Variants in CACNA2D3 observed in about 807,000 individuals in gnomAD.
CACNA2D3 encodes voltage-dependent calcium channel subunit alpha-2/delta-3.
In CACNA2D3, 60 loss-of-function variants were observed where a neutral mutation model predicts 160.6. That is an observed-to-expected ratio of 0.37 (90% CI 0.30 to 0.46). The LOEUF (loss-of-function observed/expected upper bound fraction) is 0.46. Among genes scored for constraint, CACNA2D3 ranks in the 20% least tolerant of loss-of-function variants. The pLI, the probability that CACNA2D3 is intolerant of heterozygous loss-of-function variation, is 1.00. For missense variants in CACNA2D3, 1,205 were observed against 1,365.0 expected, an observed-to-expected ratio of 0.88 and a Z score of 1.85; for synonymous variants, 558 against 492.9, an observed-to-expected ratio of 1.13 and a Z score of -1.75.
chr3:54,579,792 T>A (rs1702644286), intron 8 of CACNA2D3, among the ~76,000 whole-genome samples: 1 of 152,242 alleles, frequency 6.6e-6, no homozygotes, highest in Non-Finnish European at 1.5e-5. Flanking sequence ...TCTTGGATCC[T>A]GAGCTGATGT....
At chr3:54,537,537 G>T (rs552793554) in intron 5 of CACNA2D3, among the ~76,000 whole-genome samples, 7 of 152,044 alleles carry the variant, frequency 4.6e-5, no homozygotes, top group Non-Finnish European at 8.8e-5. Context: ...CAGAATAATG[G>T]CAGCAATTAT....
intron 2 of CACNA2D3, among the ~76,000 whole-genome samples, chr3:54,140,561 C>T (rs1258742767): frequency 6.6e-6 from 1 of 152,224 alleles, no homozygotes. Context: ...ACTAAGGTGA[C>T]TGCTAGCAGA....
At chr3:54,805,542 A>T (rs1703098793) in intron 13 of CACNA2D3, among the ~76,000 whole-genome samples, 1 of 152,242 alleles carries the variant, frequency 6.6e-6, no homozygotes, top group Admixed American at 6.5e-5. Flanking sequence ...ACAGGCTCTG[A>T]AATTGTGGCA....
intron 4 of CACNA2D3, among the ~76,000 whole-genome samples, chr3:54,493,060 CTTTTTTTTTTTTTTTTTTT>C (rs34225864): frequency 1.1e-3 from 62 of 58,804 alleles, no homozygotes; most frequent in East Asian, 7.4e-3. Flanking sequence ...TTGCTCAAAA[CTTTTTTTTTTTTTTTTTTT>C]TTTTTTTTTT....
chr3:54,874,244 G>T (rs1455863618), intron 18 of CACNA2D3, among the ~76,000 whole-genome samples: 1 of 152,174 alleles, frequency 6.6e-6, no homozygotes, highest in Non-Finnish European at 1.5e-5. Context: ...GTATGAGCAG[G>T]ACTTCTGTCC....
chr3:54,132,023 C>A (rs974724330), intron 2 of CACNA2D3, among the ~76,000 whole-genome samples: 1 of 152,184 alleles, frequency 6.6e-6, no homozygotes, highest in East Asian at 1.9e-4. Context: ...TTACTGGATT[C>A]AGGTAATCTA....
chr3:54,865,540 A>T (rs896982982), intron 17 of CACNA2D3, among the ~76,000 whole-genome samples: 2 of 152,248 alleles, frequency 1.3e-5, no homozygotes, highest in African/African-American at 4.8e-5. Flanking sequence ...AGCTGGCAAC[A>T]TGGAATCAAA....
chr3:54,923,431 G>A (rs986443484), intron 27 of CACNA2D3, among the ~76,000 whole-genome samples: 5 of 152,044 alleles, frequency 3.3e-5, no homozygotes, highest in African/African-American at 1.2e-4. Flanking sequence ...GCTCAGCCAT[G>A]TCACCTCCTT....
At chr3:54,338,418 C>A (rs967746157) in intron 3 of CACNA2D3, among the ~76,000 whole-genome samples, 28 of 151,120 alleles carry the variant, frequency 1.9e-4, no homozygotes, top group African/African-American at 6.3e-4. Flanking sequence ...TTGAAAACAG[C>A]TTTCAGCTGT....
intron 3 of CACNA2D3, among the ~76,000 whole-genome samples, chr3:54,360,131 C>T (rs1401011343): frequency 6.6e-6 from 1 of 152,176 alleles, no homozygotes; most frequent in East Asian, 1.9e-4. Context: ...GGAACGCAGC[C>T]ATACCTTTTC....
intron 27 of CACNA2D3, among the ~76,000 whole-genome samples, chr3:54,966,501 C>T (rs1702153788): frequency 6.6e-6 from 1 of 152,144 alleles, no homozygotes; most frequent in Admixed American, 6.5e-5. Flanking sequence ...CTTGGCTGTG[C>T]GTGAGAATCA....
intron 11 of CACNA2D3, among the ~76,000 whole-genome samples, chr3:54,698,143 C>CT (rs72317497): frequency 0.26 from 39,293 of 152,100 alleles, 5,458 homozygotes; most frequent in African/African-American, 0.3. Flanking sequence ...CAATTGACTA[C>CT]TATGGGTGCT....
At chr3:54,975,521 CAA>C (rs55819960) in intron 29 of CACNA2D3, among the ~76,000 whole-genome samples, 16,064 of 77,696 alleles carry the variant, frequency 0.21, 1,486 homozygotes, top group African/African-American at 0.37. Context: ...ACTTGGTCTC[CAA>C]AAAAAAAAAA....
chr3:54,195,614 G>C (rs1287060960), intron 2 of CACNA2D3, among the ~76,000 whole-genome samples: 1 of 152,228 alleles, frequency 6.6e-6, no homozygotes, highest in Non-Finnish European at 1.5e-5. Flanking sequence ...AGGTGCCCAA[G>C]GTCCTGTGGG....
At chr3:54,884,988 C>G (rs548019531) in intron 21 of CACNA2D3, among the ~76,000 whole-genome samples, 295 of 152,254 alleles carry the variant, frequency 1.9e-3, no homozygotes, top group African/African-American at 6.7e-3. Flanking sequence ...AAGCTTCTCC[C>G]TCCGGACTCA....
At position 54,191,144 on chromosome 3, in the gene CACNA2D3, G is replaced by A. The variant is rs142047932; in HGVS notation, c.204+67550G>A. 2.6e-3 allele frequency among the ~76,000 whole-genome samples: 391 copies of A among 152,108 alleles called. 1 individual carries two copies. The highest frequency in any genetic ancestry group is 8.4e-3 in the African/African-American group (348 of 41,494). ...GAAAGTTTTGAAGAACTCGTATGAG[G>A]CCAAAACACATTCCTGCTCCGGGGA... On this transcript the variant is annotated intron_variant, in intron 2 of 37. Transcript: ENST00000474759.
chr3:54,879,480 C>G, intron 20 of CACNA2D3, 69 bp downstream of exon 20: 1 of 1,121,762 alleles, frequency 8.9e-7, no homozygotes, highest in Non-Finnish European at 1.3e-6. Flanking sequence ...AACCTGCTGA[C>G]ACTCTCAGAG....
chr3:54,952,256 C>T (rs888492083), intron 27 of CACNA2D3, among the ~76,000 whole-genome samples: 4 of 152,212 alleles, frequency 2.6e-5, no homozygotes, highest in African/African-American at 4.8e-5. Context: ...CACTCTGCAG[C>T]ACCCCTGTGG....
At chr3:54,192,690 G>GTT in intron 2 of CACNA2D3, among the ~76,000 whole-genome samples, 1 of 152,046 alleles carries the variant, frequency 6.6e-6, no homozygotes, top group South Asian at 2.1e-4. Context: ...GTGTGTGTGT[G>GTT]TGTGTTTGTG....
Sources: gnomAD v4.1 joint callset for allele counts (sites outside exome capture counted in the v4.1 genomes callset) on GRCh38, gnomAD v4.1.1 for gene constraint, MANE v1.5 for transcripts, NCBI Gene and HGNC (gene_info 2026-07-23, HGNC 2026-07-21) for gene names.